HEATR5B: variants seen among roughly 807,000 people sequenced by gnomAD.
The protein encoded by HEATR5B is HEAT repeat-containing protein 5B.
HEATR5B carries 156 observed loss-of-function variants against 224.1 expected under a neutral mutation model. That is an observed-to-expected ratio of 0.70 (90% CI 0.61 to 0.80). The LOEUF is 0.80. Ranked by LOEUF, HEATR5B falls within the 30% of genes least tolerant of loss-of-function variation. The pLI is 0.00. For missense variants in HEATR5B, 2,323 were observed against 2,535.5 expected (o/e 0.92, Z 1.80); for synonymous variants, 1,027 against 893.0 (o/e 1.15, Z -2.68).
At chr2:37,038,295 ACG>A (rs1669645432) in intron 20 of HEATR5B, among the ~76,000 whole-genome samples, 1 of 151,976 alleles carries the variant, frequency 6.6e-6, no homozygotes, top group African/African-American at 2.4e-5. Flanking sequence ...ACGCGCCACC[ACG>A]CCCAGCTGAT....
intron 8 of HEATR5B, among the ~76,000 whole-genome samples, chr2:37,067,747 G>A (rs115993789): frequency 0.014 from 2,197 of 152,052 alleles, 25 homozygotes; most frequent in Middle Eastern, 0.024. Context: ...ACTCCAGCCC[G>A]GACAGCAGAG....
intron 24 of HEATR5B, among the ~76,000 whole-genome samples, chr2:37,026,974 T>C (rs890907167): frequency 2.0e-5 from 3 of 152,134 alleles, no homozygotes; most frequent in Non-Finnish European, 4.4e-5. Flanking sequence ...ATTTGTTGTA[T>C]TTTTAGTAGA....
chr2:37,080,670 T>G (rs1387161141), intron 2 of HEATR5B, among the ~76,000 whole-genome samples: 4 of 151,976 alleles, frequency 2.6e-5, no homozygotes. Context: ...AGATGCCACT[T>G]AGATAAGAAA....
chr2:37,082,063 T>TC (rs1321934911), intron 2 of HEATR5B, among the ~76,000 whole-genome samples: 1 of 67,386 alleles, frequency 1.5e-5, no homozygotes, highest in Non-Finnish European at 3.2e-5. Flanking sequence ...TTTTTTTTTT[T>TC]TTTTTTTTTT....
chr2:36,990,349 A>G (rs1269479030), intron 34 of HEATR5B, among the ~76,000 whole-genome samples: 1 of 152,186 alleles, frequency 6.6e-6, no homozygotes, highest in Admixed American at 6.5e-5. Context: ...CTTCTCCTTT[A>G]ATGTCCTTAG....
intron 33 of HEATR5B, among the ~76,000 whole-genome samples, chr2:36,998,220 T>G (rs1318405513): frequency 6.6e-6 from 1 of 152,020 alleles, no homozygotes; most frequent in Non-Finnish European, 1.5e-5. Context: ...ACAAAAGAAA[T>G]AAACCTTGAA....
chr2:37,062,619 T>C (rs1671354699), intron 10 of HEATR5B, among the ~76,000 whole-genome samples: 2 of 152,218 alleles, frequency 1.3e-5, no homozygotes, highest in Non-Finnish European at 2.9e-5. Context: ...ACTGCTTAGT[T>C]CCATCACTGG....
chr2:37,010,415 C>G (rs1667713735), intron 27 of HEATR5B, among the ~76,000 whole-genome samples: 1 of 152,034 alleles, frequency 6.6e-6, no homozygotes, highest in South Asian at 2.1e-4. Flanking sequence ...CAGCAATTGA[C>G]TAAATTCTAA....
In HEATR5B at chr2:37,019,878, C is replaced by G; in HGVS notation, c.4036-1G>C. 2 of 1,593,014 alleles carry G rather than the reference C, an allele frequency of 1.3e-6. No individual in the cohort carries two copies. Among genetic ancestry groups the G allele is most frequent in the Non-Finnish European group, 1.7e-6 (2 of 1,166,958 alleles). ...AGGCTGGTCTTAGAGCAGCTCCCAC[C>G]TAGAAAAATAAATAAAGCATTTTAT... On this transcript the variant is annotated splice_acceptor_variant, in intron 25 of 35. Coordinates refer to ENST00000233099, the MANE Select transcript of HEATR5B (RefSeq NM_019024.3). LOFTEE classifies it high-confidence loss of function.
At chr2:37,079,875 A>G (rs1355114194) in intron 2 of HEATR5B, among the ~76,000 whole-genome samples, 1 of 152,266 alleles carries the variant, frequency 6.6e-6, no homozygotes, top group Admixed American at 6.5e-5. Context: ...AGGGTGCAAC[A>G]GTGAACAAAA....
intron 10 of HEATR5B, among the ~76,000 whole-genome samples, chr2:37,064,050 A>G (rs1490604038): frequency 6.6e-6 from 1 of 152,052 alleles, no homozygotes; most frequent in Non-Finnish European, 1.5e-5. Context: ...CTGATCTCAA[A>G]TGATCCACCT....
intron 33 of HEATR5B, among the ~76,000 whole-genome samples, chr2:36,994,087 G>A (rs138250580): frequency 2.1e-3 from 322 of 152,246 alleles, no homozygotes; most frequent in Non-Finnish European, 3.5e-3. Flanking sequence ...CATGAAGTAC[G>A]TAGGAATAGA....
chr2:37,054,268 C>T (rs2148537822), intron 16 of HEATR5B, among the ~76,000 whole-genome samples: 2 of 145,808 alleles, frequency 1.4e-5, no homozygotes, highest in South Asian at 4.4e-4. Context: ...GATCTCGGCT[C>T]ACCACAATCT....
At chr2:37,069,724 T>C (rs546085340) in intron 7 of HEATR5B, among the ~76,000 whole-genome samples, 21 of 152,308 alleles carry the variant, frequency 1.4e-4, no homozygotes, top group Non-Finnish European at 2.9e-4. Context: ...CTTATTTATA[T>C]ATTATTAAAT....
At chr2:37,052,766 A>G (rs1670640425) in intron 17 of HEATR5B, among the ~76,000 whole-genome samples, 1 of 152,234 alleles carries the variant, frequency 6.6e-6, no homozygotes, top group African/African-American at 2.4e-5. Flanking sequence ...CCAAGTGACT[A>G]ACAGACAGGT....
intron 24 of HEATR5B, among the ~76,000 whole-genome samples, 168 bp downstream of exon 24, chr2:37,027,755 T>C (rs770544506): frequency 2.6e-5 from 4 of 152,194 alleles, no homozygotes; most frequent in Non-Finnish European, 5.9e-5. Flanking sequence ...AGAAGATGAC[T>C]AGTATGCAGA....
intron 35 of HEATR5B, 139 bp from the exon 36 acceptor site, chr2:36,981,933 C>T (rs960656397): frequency 1.9e-5 from 9 of 465,738 alleles, no homozygotes; most frequent in Admixed American, 4.1e-5. Flanking sequence ...CTCAATAACT[C>T]GTAATTAATA....
At chr2:37,082,704 T>C (rs1270916738) in intron 2 of HEATR5B, among the ~76,000 whole-genome samples, 1 of 152,336 alleles carries the variant, frequency 6.6e-6, no homozygotes, top group East Asian at 1.9e-4. Flanking sequence ...TAATCGAATA[T>C]CTGTAGAAAC....
In HEATR5B at chr2:37,056,561, T is replaced by G. The variant is rs772708351; in HGVS notation, c.2278A>C (p.Ile760Leu). ...SGALEHDPSSIYLRIPAGEAV... is the reference protein window; with the variant it reads ...SGALEHDPSSLYLRIPAGEAV... ...TCTCCAGCAGGTATGCGTAAATAAATAGAGGAAGGATCATGCTCCAGAGCC... is the reference window on the plus strand; with the variant it reads ...TCTCCAGCAGGTATGCGTAAATAAAGAGAGGAAGGATCATGCTCCAGAGCC... The change falls in exon 16 of 36, where the codon ATT becomes CTT. Residue 760 changes from isoleucine (I) to leucine (L), a missense_variant. Transcript: ENST00000233099. The G allele has an allele frequency of 6.2e-7, 1 of 1,612,206 alleles. No individual in the cohort carries two copies.
Sources: gnomAD v4.1 joint callset for allele counts (sites outside exome capture counted in the v4.1 genomes callset) on GRCh38, gnomAD v4.1.1 for gene constraint, MANE v1.5 for transcripts, NCBI Gene and HGNC (gene_info 2026-07-23, HGNC 2026-07-21) for gene names.